NIFK: variants seen among roughly 807,000 people sequenced by gnomAD.
NIFK encodes MKI67 FHA domain-interacting nucleolar phosphoprotein.
Under a neutral mutation model 31.7 loss-of-function variants are expected in NIFK, and 16 were observed. The ratio of observed to expected loss-of-function variants is 0.50; its 90% CI spans 0.34 to 0.77. The LOEUF is 0.77. Among genes scored for constraint, NIFK ranks in the 30% least tolerant of loss-of-function variants. NIFK has a pLI of 0.01. For missense variants in NIFK, 341 were observed against 350.4 expected (o/e 0.97, Z 0.21); for synonymous variants, 126 against 123.0 (o/e 1.02, Z -0.16).
intron 2 of NIFK, among the ~76,000 whole-genome samples, chr2:121,732,608 G>A (rs2074549883): frequency 6.6e-6 from 1 of 152,208 alleles, no homozygotes; most frequent in Non-Finnish European, 1.5e-5. Context: ...CCACAACTGA[G>A]TCTCAGCTTA....
chr2:121,732,915 T>C (rs2074553756), intron 2 of NIFK, among the ~76,000 whole-genome samples: 1 of 151,798 alleles, frequency 6.6e-6, no homozygotes, highest in African/African-American at 2.4e-5. Context: ...ACCCCATCTC[T>C]ACTAAAAATA....
intron 6 of NIFK, 183 bp downstream of exon 6, chr2:121,728,105 T>C (rs991694814): frequency 1.5e-6 from 1 of 688,474 alleles, no homozygotes; most frequent in Non-Finnish European, 2.4e-6. Flanking sequence ...AATTCACAAT[T>C]AACAAATATA....
At chr2:121,732,390 A>T (rs2074547860) in intron 2 of NIFK, among the ~76,000 whole-genome samples, 186 bp from the exon 3 acceptor site, 1 of 152,228 alleles carries the variant, frequency 6.6e-6, no homozygotes, top group Admixed American at 6.5e-5. Flanking sequence ...AAGATGCACG[A>T]GTCTGAACAC....
intron 2 of NIFK, among the ~76,000 whole-genome samples, chr2:121,735,260 G>C (rs571785676): frequency 2.0e-5 from 3 of 152,104 alleles, no homozygotes; most frequent in Non-Finnish European, 4.4e-5. Flanking sequence ...CCAAACCTCA[G>C]CAGTCCAACT....
At chr2:121,735,928 CTA>C in intron 1 of NIFK, 178 bp from the exon 2 acceptor site, 1 of 577,410 alleles carries the variant, frequency 1.7e-6, no homozygotes, top group Admixed American at 3.2e-5. Flanking sequence ...CAGTAGTCAA[CTA>C]TCTTTCCAGC....
At chr2:121,734,842 T>C (rs564765980) in intron 2 of NIFK, among the ~76,000 whole-genome samples, 2 of 152,278 alleles carry the variant, frequency 1.3e-5, no homozygotes, top group African/African-American at 2.4e-5. Flanking sequence ...ATTAAAGAAG[T>C]TGAAGAGCAC....
intron 1 of NIFK, 41 bp downstream of exon 1, chr2:121,736,705 C>A (rs755781921): frequency 6.5e-7 from 1 of 1,545,780 alleles, no homozygotes; most frequent in South Asian, 1.1e-5. Flanking sequence ...AGACCCGGTC[C>A]ATCGCCCCCG....
At position 121,727,821 on chromosome 2, in the gene NIFK, A is replaced by C. The variant is rs199696422; in HGVS notation, c.785T>G (p.Val262Gly). 9.3e-6 allele frequency: 15 copies of C among 1,612,770 alleles called. No homozygotes were observed. In the East Asian group the frequency reaches 2.9e-4, roughly 31 times the overall value. ...LNDDDKDDEI[V>G]FKQPISCVKE... Reference sequence around the variant, plus strand: ...TACACAGGATATGGGCTGTTTGAAAACTATTTCATCATCTTTATCATCATC... The same window carrying C: ...TACACAGGATATGGGCTGTTTGAAACCTATTTCATCATCTTTATCATCATC... Residue 262 changes from valine to glycine, a missense_variant, in exon 7 of 7, where the codon GTT (valine) becomes GGT (glycine). By Grantham distance (109) the Val-to-Gly change is moderately radical (BLOSUM62 -3). Coordinates refer to ENST00000285814, the MANE Select transcript of NIFK (RefSeq NM_032390.5).
At position 121,731,122 on chromosome 2, in the gene NIFK, A is replaced by C; in HGVS notation, c.353-18T>G. 2.8e-6 allele frequency: 4 copies of C among 1,413,966 alleles called. No individual in the cohort carries two copies. Among genetic ancestry groups the C allele is most frequent in the Non-Finnish European group, 3.9e-6 (4 of 1,022,560 alleles). The allele number at this position is 1,413,966 out of a possible 1,614,324, so 87.6% of individuals were successfully genotyped here. ...AAAATGACCTATTTTCAAAAAGAAA[A>C]AAACATAAAGGTATTTTAATGTTAA... On this transcript the variant is annotated intron_variant, in intron 3 of 6. Transcript: ENST00000285814.
chr2:121,728,763 T>C (rs971209069), intron 4 of NIFK, among the ~76,000 whole-genome samples: 1 of 152,112 alleles, frequency 6.6e-6, no homozygotes, highest in African/African-American at 2.4e-5. Flanking sequence ...GGCCAAAACC[T>C]GGAGCTCACT....
intron 1 of NIFK, 50 bp from the exon 2 acceptor site, chr2:121,735,800 A>T (rs2074575089): frequency 6.6e-7 from 1 of 1,510,640 alleles, no homozygotes; most frequent in African/African-American, 1.4e-5. Flanking sequence ...AGAAAATCAC[A>T]TTGTAACAAA....
At position 121,727,626 on chromosome 2, in the gene NIFK, A is replaced by G. The variant is rs186044397; in HGVS notation, c.*98T>C. 1.0e-6 allele frequency: 1 copy of G among 987,654 alleles called. No homozygotes were observed. 61.2% of individuals were successfully genotyped at this position (987,654 alleles called of 1,614,324 possible). On this transcript the variant is annotated 3_prime_UTR_variant, in exon 7 of 7. Transcript: ENST00000285814. The stretch of plus-strand genomic sequence containing the variant: ...CAAACAGTGTATTTTTCCTCTGAAA[A>G]TCTTGTCAAAGGTTGTATTCCATTG...
intron 4 of NIFK, 144 bp from the exon 5 acceptor site, chr2:121,728,680 T>C (rs2074513191): frequency 1.8e-6 from 1 of 554,456 alleles, no homozygotes; most frequent in Non-Finnish European, 3.1e-6. Flanking sequence ...ATACAGTGAA[T>C]TATCTCAAGT....
rs910068979 is a variant in NIFK, at chr2:121,727,620, C to A, written c.*104G>T. 10 of 950,800 alleles carry A rather than the reference C, an allele frequency of 1.1e-5. No homozygotes were observed. In the East Asian group the frequency reaches 2.4e-4, roughly 22 times the overall value. 58.9% of individuals were successfully genotyped at this position (950,800 alleles called of 1,614,324 possible). On this transcript the variant is annotated 3_prime_UTR_variant, in exon 7 of 7. Coordinates refer to ENST00000285814, the MANE Select transcript of NIFK (RefSeq NM_032390.5). Reference sequence around the variant, plus strand: ...CTTGACCAAACAGTGTATTTTTCCTCTGAAAATCTTGTCAAAGGTTGTATT... The same window carrying A: ...CTTGACCAAACAGTGTATTTTTCCTATGAAAATCTTGTCAAAGGTTGTATT...
chr2:121,731,295 G>T (rs2074537571), intron 3 of NIFK, 191 bp from the exon 4 acceptor site: 2 of 545,136 alleles, frequency 3.7e-6, no homozygotes, highest in Middle Eastern at 4.5e-4. Context: ...TGTGAACTTG[G>T]GTACCTAAGA....
At chr2:121,735,264 T>C (rs2074570815) in intron 2 of NIFK, among the ~76,000 whole-genome samples, 1 of 151,966 alleles carries the variant, frequency 6.6e-6, no homozygotes, top group East Asian at 1.9e-4. Context: ...ACCTCAGCAG[T>C]CCAACTCCAG....
intron 4 of NIFK, 94 bp from the exon 5 acceptor site, chr2:121,728,630 A>C: frequency 1.4e-6 from 1 of 689,814 alleles, no homozygotes. Flanking sequence ...TCCTCCCTAA[A>C]TGACAAGAGC....
rs1462114540 is a variant in NIFK at position 121,736,726 on chromosome 2, G to A, written c.105+20C>T. The A allele has an allele frequency of 6.2e-7, 1 of 1,602,280 alleles. No individual in the cohort carries two copies. On this transcript the variant is annotated intron_variant, in intron 1 of 6. Coordinates refer to ENST00000285814, the MANE Select transcript of NIFK (RefSeq NM_032390.5). Reference sequence around the variant, plus strand: ...GGTCCATCGCCCCCGCTCGCAGCCTGGGCCAGGGTGCCTGCTCACCTGGGT... The same window carrying A: ...GGTCCATCGCCCCCGCTCGCAGCCTAGGCCAGGGTGCCTGCTCACCTGGGT...
intron 4 of NIFK, among the ~76,000 whole-genome samples, chr2:121,728,797 G>A (rs964307116): frequency 6.6e-6 from 1 of 152,164 alleles, no homozygotes; most frequent in African/African-American, 2.4e-5. Flanking sequence ...CTGAATTCAG[G>A]AGGGTGGAAG....
Sources: gnomAD v4.1 joint callset for allele counts (sites outside exome capture counted in the v4.1 genomes callset) on GRCh38, gnomAD v4.1.1 for gene constraint, MANE v1.5 for transcripts, NCBI Gene and HGNC (gene_info 2026-07-23, HGNC 2026-07-21) for gene names.